The following PTPRT variants were observed in gnomAD, a reference collection of about 807,000 sequenced individuals.
PTPRT encodes protein tyrosine phosphatase receptor type T.
A neutral mutation model predicts 176.8 loss-of-function variants in PTPRT; 56 were observed. The ratio of observed to expected loss-of-function variants is 0.32; its 90% confidence interval spans 0.26 to 0.40. PTPRT has a LOEUF of 0.40. Among genes scored for constraint, PTPRT ranks in the 10% least tolerant of loss-of-function variants. The pLI, the probability that PTPRT is intolerant of heterozygous loss-of-function variation, is 1.00. For missense variants in PTPRT, 1,540 were observed against 1,908.2 expected, an observed-to-expected ratio of 0.81 and a Z score of 3.60; for synonymous variants, 783 against 739.0, an observed-to-expected ratio of 1.06 and a Z score of -0.96.
At chr20:42,706,880 A>G (rs1205483106) in intron 6 of PTPRT, among the ~76,000 whole-genome samples, 1 of 152,214 alleles carries the variant, frequency 6.6e-6, no homozygotes, top group African/African-American at 2.4e-5. Flanking sequence ...TCTGTTCAAG[A>G]TGAAACACTA....
intron 12 of PTPRT, among the ~76,000 whole-genome samples, chr20:42,308,840 C>G (rs1731279085): frequency 6.6e-6 from 1 of 152,148 alleles, no homozygotes; most frequent in African/African-American, 2.4e-5. Context: ...AATATAATTT[C>G]TCCCAATTCA....
chr20:42,108,969 A>T (rs1440644845), intron 23 of PTPRT, among the ~76,000 whole-genome samples: 1 of 152,192 alleles, frequency 6.6e-6, no homozygotes, highest in Non-Finnish European at 1.5e-5. Flanking sequence ...CTAACCCTTG[A>T]TCTGGGTGCT....
intron 2 of PTPRT, among the ~76,000 whole-genome samples, chr20:42,847,090 A>G (rs1233606678): frequency 6.6e-6 from 1 of 152,220 alleles, no homozygotes; most frequent in Non-Finnish European, 1.5e-5. Context: ...AGAATCAATC[A>G]GGGTCACCCT....
At chr20:42,418,205 A>G (rs912526442) in intron 9 of PTPRT, among the ~76,000 whole-genome samples, 1 of 152,244 alleles carries the variant, frequency 6.6e-6, no homozygotes, top group Non-Finnish European at 1.5e-5. Flanking sequence ...ATATTAAATT[A>G]CATGGTCAAA....
chr20:42,911,716 C>T lies in PTPRT; in HGVS notation c.89-25784G>A, dbSNP rs543505993. On this transcript the variant is annotated intron_variant, in intron 1 of 30. Coordinates refer to ENST00000373187, the MANE Select transcript of PTPRT (RefSeq NM_007050.6). ...GGAAAATTTAAAAACACAATCCCCT[C>T]TAAACCGCATTTTTCCAGGAGTTGC... is the stretch of plus-strand genomic sequence containing the variant. Among the ~76,000 whole-genome samples the T allele has an allele frequency of 2.8e-4, 43 of 152,260 alleles. 2 individuals are homozygous for T. In the South Asian group the frequency reaches 8.9e-3, roughly 32 times the overall value.
intron 1 of PTPRT, among the ~76,000 whole-genome samples, chr20:43,070,831 G>C (rs547198868): frequency 6.6e-6 from 1 of 151,632 alleles, no homozygotes; most frequent in African/African-American, 2.4e-5. Flanking sequence ...GTTGTGGGGT[G>C]GGGGGAAGGA....
chr20:42,060,125 A>G, the PTPRT span, among the ~76,000 whole-genome samples: 1 of 152,216 alleles, frequency 6.6e-6, no homozygotes, highest in East Asian at 1.9e-4. Flanking sequence ...TGGATGGAGT[A>G]CATTCATCTA....
chr20:42,329,927 T>A (rs2145431130), intron 11 of PTPRT, among the ~76,000 whole-genome samples: 1 of 152,296 alleles, frequency 6.6e-6, no homozygotes, highest in East Asian at 1.9e-4. Flanking sequence ...AATATTTTTT[T>A]AATTTAATAT....
At chr20:42,410,046 A>T (rs1349712918) in intron 9 of PTPRT, among the ~76,000 whole-genome samples, 1 of 152,198 alleles carries the variant, frequency 6.6e-6, no homozygotes, top group East Asian at 1.9e-4. Context: ...AGAAATTTTG[A>T]AAAACAACGG....
chr20:42,066,672 T>C, the PTPRT span, among the ~76,000 whole-genome samples: 10 of 152,336 alleles, frequency 6.6e-5, no homozygotes, highest in East Asian at 3.9e-4. Flanking sequence ...TCTTCTCTGA[T>C]AGCAGGTCAA....
chr20:42,404,989 C>T (rs74177341), intron 9 of PTPRT, among the ~76,000 whole-genome samples: 58,165 of 95,286 alleles, frequency 0.61, 17,755 homozygotes, highest in Non-Finnish European at 0.67. Context: ...TATATATATA[C>T]ACACACACAC....
At chr20:42,428,679 T>A (rs368921453) in intron 9 of PTPRT, among the ~76,000 whole-genome samples, 91 of 152,302 alleles carry the variant, frequency 6.0e-4, no homozygotes, top group African/African-American at 2.1e-3. Context: ...TCAGGTTGAA[T>A]GGAATTTGCA....
chr20:42,421,448 G>A (rs2059118326), intron 9 of PTPRT, among the ~76,000 whole-genome samples: 1 of 152,092 alleles, frequency 6.6e-6, no homozygotes, highest in Non-Finnish European at 1.5e-5. Context: ...AAGAAACCAG[G>A]AGACGTTGAC....
chr20:42,922,786 G>C (rs146148812), intron 1 of PTPRT, among the ~76,000 whole-genome samples: 172 of 152,184 alleles, frequency 1.1e-3, no homozygotes, highest in Non-Finnish European at 2.0e-3. Flanking sequence ...TTAGCTGAGG[G>C]TCACTCAAAC....
chr20:42,208,605 A>G (rs867623375), intron 15 of PTPRT, among the ~76,000 whole-genome samples: 2,956 of 152,072 alleles, frequency 0.019, 98 homozygotes, highest in African/African-American at 0.067. Context: ...TATCCTAAAT[A>G]TATATGCACC....
intron 13 of PTPRT, among the ~76,000 whole-genome samples, chr20:42,281,830 C>T (rs1418381801): frequency 6.6e-6 from 1 of 152,108 alleles, no homozygotes; most frequent in Admixed American, 6.5e-5. Context: ...AACTATTCAA[C>T]CCTGTAATAG....
At chr20:42,557,339 G>C (rs557525296) in intron 7 of PTPRT, among the ~76,000 whole-genome samples, 1 of 152,014 alleles carries the variant, frequency 6.6e-6, no homozygotes, top group Non-Finnish European at 1.5e-5. Flanking sequence ...GTACAGAATG[G>C]CTACTCTGCT....
chr20:42,434,147 T>A (rs919519876), intron 9 of PTPRT, among the ~76,000 whole-genome samples: 2 of 152,154 alleles, frequency 1.3e-5, no homozygotes, highest in African/African-American at 2.4e-5. Context: ...TAAACCCACA[T>A]GAAGATGGCT....
chr20:42,307,571 G>GA (rs2057561918), intron 12 of PTPRT, among the ~76,000 whole-genome samples: 1 of 152,126 alleles, frequency 6.6e-6, no homozygotes, highest in African/African-American at 2.4e-5. Flanking sequence ...ATGTCTATCT[G>GA]AGGTTTTCAT....
Sources: allele counts gnomAD v4.1 joint callset (sites outside exome capture counted in the v4.1 genomes callset), GRCh38; gene constraint gnomAD v4.1.1; transcripts MANE v1.5; gene names NCBI Gene and HGNC (gene_info 2026-07-23, HGNC 2026-07-21).